The following ZNF490 variants were observed in gnomAD, a reference collection of about 807,000 sequenced individuals.
ZNF490 encodes the protein zinc finger protein 490.
In ZNF490, 11 loss-of-function variants were observed where a neutral mutation model predicts 17.7. That is an observed-to-expected ratio of 0.62 (90% CI 0.39 to 1.03). The LOEUF (loss-of-function observed/expected upper bound fraction) is 1.03. ZNF490 is among the 50% of genes least tolerant of loss of function. The probability of loss-of-function intolerance (pLI) is 0.00; values close to 1 mark genes in which losing one functional copy is unlikely to be tolerated. For synonymous variants in ZNF490, 222 were observed against 216.1 expected (o/e 1.03, Z -0.24); for missense variants, 542 against 643.4 (o/e 0.84, Z 1.71).
intron 2 of ZNF490, among the ~76,000 whole-genome samples, chr19:12,601,728 TAG>T (rs1568282378): frequency 3.3e-5 from 5 of 152,166 alleles, no homozygotes; most frequent in East Asian, 1.9e-4. Flanking sequence ...TGCGGTGGCA[TAG>T]GCCTGTAATC....
Position 12,578,444 on chromosome 19 carries a change from C to A in ZNF490, c.*2041G>T. On this transcript the variant is annotated 3_prime_UTR_variant, in exon 5 of 5. Coordinates refer to ENST00000311437, the MANE Select transcript of ZNF490 (RefSeq NM_020714.3). ...TACAGGCTCTGCTTCTTCAGTCTCTCACCTCAGAGCCACCTGCGGTTGCCA... is the reference window on the plus strand; with the variant it reads ...TACAGGCTCTGCTTCTTCAGTCTCTAACCTCAGAGCCACCTGCGGTTGCCA... 3 of 985,462 alleles carry A rather than the reference C, an allele frequency of 3.0e-6. No homozygotes were observed. The highest frequency in any genetic ancestry group is 3.6e-6 in the Non-Finnish European group (3 of 829,966). 61.0% of individuals were successfully genotyped at this position (985,462 alleles called of 1,614,324 possible). A position where few individuals can be genotyped will look rare whatever the true frequency, so the allele number is the denominator to read the frequency against.
At position 12,580,351 on chromosome 19, in the gene ZNF490, G is replaced by A. The variant is rs562336457; in HGVS notation, c.*134C>T. The A allele has an allele frequency of 5.6e-5, 82 of 1,459,566 alleles. No individual in the cohort carries two copies. The East Asian group carries it at 1.2e-3, about 21-fold the overall frequency. 90.4% of individuals were successfully genotyped at this position (1,459,566 alleles called of 1,614,324 possible). On this transcript the variant is annotated 3_prime_UTR_variant, in exon 5 of 5. Transcript: ENST00000311437. Reference sequence around the variant, plus strand: ...AATATTTCATTGCCGCATGAGTCACGTCTTCAAAGGGAATTAGGACAACTG... The same window carrying A: ...AATATTTCATTGCCGCATGAGTCACATCTTCAAAGGGAATTAGGACAACTG...
chr19:12,590,547 G>A (rs924464455), intron 2 of ZNF490, among the ~76,000 whole-genome samples: 6 of 151,900 alleles, frequency 3.9e-5, no homozygotes, highest in Non-Finnish European at 7.4e-5. Flanking sequence ...ATTCAATATT[G>A]TACAACAGTG....
Position 12,586,267 on chromosome 19 carries a change from C to A in ZNF490, c.163-2711G>T, listed in dbSNP as rs1456446876. 2.2e-5 allele frequency among the ~76,000 whole-genome samples: 2 copies of A among 91,378 alleles called. 1 individual carries two copies. 59.9% of individuals were successfully genotyped at this position (91,378 alleles called of 152,430 possible). On this transcript the variant is annotated intron_variant, in intron 2 of 4. Transcript: ENST00000311437. The stretch of plus-strand genomic sequence containing the variant: ...TGAGCCAAGATCGTGCCCCTGCACT[C>A]CAGCCTGGGCGACAGAGCGAAACTC...
At chr19:12,608,753 G>C (rs1281535658) in intron 2 of ZNF490, among the ~76,000 whole-genome samples, 1 of 152,094 alleles carries the variant, frequency 6.6e-6, no homozygotes, top group East Asian at 1.9e-4. Flanking sequence ...GAGATTACAG[G>C]CATGAGCTAC....
chr19:12,607,137 C>A (rs1245329145), intron 2 of ZNF490, among the ~76,000 whole-genome samples: 2 of 151,836 alleles, frequency 1.3e-5, no homozygotes, highest in Non-Finnish European at 2.9e-5. Flanking sequence ...TCCAGGAGTT[C>A]AAGATCAGCC....
intron 2 of ZNF490, among the ~76,000 whole-genome samples, chr19:12,601,717 G>A (rs529082100): frequency 6.6e-6 from 1 of 152,260 alleles, no homozygotes; most frequent in East Asian, 1.9e-4. Context: ...TCTAGGCCAG[G>A]TGCGGTGGCA....
intron 2 of ZNF490, among the ~76,000 whole-genome samples, chr19:12,601,058 T>A (rs1252386987): frequency 7.1e-5 from 10 of 141,380 alleles, no homozygotes; most frequent in Non-Finnish European, 1.4e-4. Flanking sequence ...AGCTTTCCAG[T>A]CAGGGAGACA....
At position 12,595,457 on chromosome 19, in the gene ZNF490, A is replaced by G. The variant is rs567099451; in HGVS notation, c.163-11901T>C. 3.9e-5 allele frequency among the ~76,000 whole-genome samples: 6 copies of G among 152,214 alleles called. No individual in the cohort carries two copies. The South Asian group carries it at 1.2e-3, about 32-fold the overall frequency. On this transcript the variant is annotated intron_variant, in intron 2 of 4. Coordinates refer to ENST00000311437, the MANE Select transcript of ZNF490 (RefSeq NM_020714.3). ...TCTTTTACTATATTTTGGAGTTGCA[A>G]TTAGGTCAAAACCTAGAAAAATGCT...
Position 12,585,065 on chromosome 19 carries a change from G to C in ZNF490, c.163-1509C>G, listed in dbSNP as rs148474029. 2.5e-3 allele frequency among the ~76,000 whole-genome samples: 235 copies of C among 93,332 alleles called. 66 individuals are homozygous for C. Among genetic ancestry groups the C allele is most frequent in the African/African-American group, 7.2e-3 (223 of 31,164 alleles). The allele number at this position is 93,332 out of a possible 152,430, so 61.2% of individuals were successfully genotyped here. A position where few individuals can be genotyped will look rare whatever the true frequency, so the allele number is the denominator to read the frequency against. ...AAGTGGCTTCGGAGAGCAAGAAAAG[G>C]AGCCTGGCTGGGGATTTTTACTGAC... On this transcript the variant is annotated intron_variant, in intron 2 of 4. Transcript: ENST00000311437.
intron 2 of ZNF490, among the ~76,000 whole-genome samples, chr19:12,607,065 G>A (rs1318824556): frequency 6.6e-6 from 1 of 152,056 alleles, no homozygotes; most frequent in Non-Finnish European, 1.5e-5. Flanking sequence ...AAATTGGCCA[G>A]GTGTGGTAGC....
At chr19:12,600,198 T>TAA (rs953785241) in intron 2 of ZNF490, among the ~76,000 whole-genome samples, 286 of 146,206 alleles carry the variant, frequency 2.0e-3, no homozygotes, top group African/African-American at 6.5e-3. Context: ...CCGTCTCTAC[T>TAA]AAAAAAAAAA....
chr19:12,589,910 G>T (rs142148103), intron 2 of ZNF490, among the ~76,000 whole-genome samples: 165 of 50,826 alleles, frequency 3.2e-3, no homozygotes, highest in East Asian at 0.01. Flanking sequence ...ATGTATGTAT[G>T]TATTTATTTA....
At position 12,590,934 on chromosome 19, in the gene ZNF490, A is replaced by T. The variant is rs549999179; in HGVS notation, c.163-7378T>A. The stretch of plus-strand genomic sequence containing the variant: ...TCTCTATTTCTTTAAAAAAAAAAAA[A>T]TTTTTTTTAAATAAAAGAAAAATTA... On this transcript the variant is annotated intron_variant, in intron 2 of 4. Transcript: ENST00000311437. Among the ~76,000 whole-genome samples, 157 of 151,428 alleles carry T rather than the reference A, an allele frequency of 1.0e-3. 2 individuals are homozygous for T. The South Asian group carries it at 0.019, about 19-fold the overall frequency.
Position 12,581,283 on chromosome 19 carries a change from A to T in ZNF490, c.792T>A (p.Ala264=). The change falls in exon 5 of 5, where the codon GCT becomes GCA. Residue 264 remains alanine (A), a synonymous_variant. Coordinates refer to ENST00000311437, the MANE Select transcript of ZNF490 (RefSeq NM_020714.3). ...ECGKAFRYLT[A]LRRHEKNHTG... ...TGTGATTTTTTTCATGGCGCCGAAG[A>T]GCAGTGAGATATCTGAATGCCTTCC... The T allele has an allele frequency of 2.5e-6, 4 of 1,614,088 alleles. No individual in the cohort carries two copies. The highest frequency in any genetic ancestry group is 3.4e-6 in the Non-Finnish European group (4 of 1,180,010).
In ZNF490 at chr19:12,580,615, T is replaced by C. The variant is rs1279735996; in HGVS notation, c.1460A>G (p.Asn487Ser). 6.2e-7 allele frequency: 1 copy of C among 1,614,156 alleles called. No homozygotes were observed. The highest frequency in any genetic ancestry group is 8.5e-7 in the Non-Finnish European group (1 of 1,180,028). Residue 487 changes from asparagine to serine, a missense_variant, in exon 5 of 5, where the codon AAT (asparagine) becomes AGT (serine). Asn to Ser is a conservative substitution (Grantham distance 46). Transcript: ENST00000311437. ...KQCGKAFTCL[N>S]SLKVHKRIHT... Reference sequence around the variant, plus strand: ...AATTCTTTTGTGTACTTTCAGGGAATTTAAACAAGTGAAAGCTTTGCCACA... The same window carrying C: ...AATTCTTTTGTGTACTTTCAGGGAACTTAAACAAGTGAAAGCTTTGCCACA...
At chr19:12,607,856 G>A (rs2023089435) in intron 2 of ZNF490, among the ~76,000 whole-genome samples, 1 of 152,174 alleles carries the variant, frequency 6.6e-6, no homozygotes, top group Non-Finnish European at 1.5e-5. Flanking sequence ...AGACAGGAAG[G>A]ACGGTGACCC....
At position 12,576,503 on chromosome 19, in the gene ZNF490, T is replaced by C. The variant is rs1341716875; in HGVS notation, c.*3982A>G. 6.9e-6 allele frequency among the ~76,000 whole-genome samples: 1 copy of C among 143,902 alleles called. No individual in the cohort carries two copies. Among genetic ancestry groups the C allele is most frequent in the African/African-American group, 2.6e-5 (1 of 38,532 alleles). The allele number at this position is 143,902 out of a possible 152,430, so 94.4% of individuals were successfully genotyped here. On this transcript the variant is annotated 3_prime_UTR_variant, in exon 5 of 5. Coordinates refer to ENST00000311437, the MANE Select transcript of ZNF490 (RefSeq NM_020714.3). ...CTTGGTGACAGAGCGAGACTGTGTCTCAAAAAAACAACAAACAAACAAAAT... is the reference window on the plus strand; with the variant it reads ...CTTGGTGACAGAGCGAGACTGTGTCCCAAAAAAACAACAAACAAACAAAAT...
Position 12,586,499 on chromosome 19 carries a change from G to A in ZNF490, c.163-2943C>T, listed in dbSNP as rs1358159720. The stretch of plus-strand genomic sequence containing the variant: ...TAGTAAACACAGCCTAAAATCAACA[G>A]GATAAACCTAAACCCTCACATTTAA... On this transcript the variant is annotated intron_variant, in intron 2 of 4. Transcript: ENST00000311437. Among the ~76,000 whole-genome samples, 7 of 91,832 alleles carry A rather than the reference G, an allele frequency of 7.6e-5. 2 individuals carry two copies. The highest frequency in any genetic ancestry group is 4.1e-4 in the Admixed American group (4 of 9,812). The allele number at this position is 91,832 out of a possible 152,430, so 60.2% of individuals were successfully genotyped here.
Sources: allele counts gnomAD v4.1 joint callset (sites outside exome capture counted in the v4.1 genomes callset), GRCh38; gene constraint gnomAD v4.1.1; transcripts MANE v1.5; gene names NCBI Gene and HGNC (gene_info 2026-07-23, HGNC 2026-07-21).